Variants in SGSM1 observed in about 807,000 individuals in gnomAD.
The protein encoded by SGSM1 is RUN and TBC1 domain containing 2.
Under a neutral mutation model 133.8 loss-of-function variants are expected in SGSM1, and 73 were observed. That is an observed-to-expected ratio of 0.55 (90% CI 0.45 to 0.66). SGSM1 has a LOEUF of 0.66. Among genes scored for constraint, SGSM1 ranks in the 30% least tolerant of loss-of-function variants. The probability of loss-of-function intolerance (pLI) is 0.00; values close to 1 mark genes in which losing one functional copy is unlikely to be tolerated. For synonymous variants in SGSM1, 563 were observed against 573.0 expected, an observed-to-expected ratio of 0.98 and a Z score of 0.25; for missense variants, 1,213 against 1,448.1, an observed-to-expected ratio of 0.84 and a Z score of 2.64.
intron 16 of SGSM1, among the ~76,000 whole-genome samples, chr22:24,890,965 C>T: frequency 6.6e-6 from 1 of 152,166 alleles, no homozygotes; most frequent in East Asian, 1.9e-4. Flanking sequence ...TATTTTATAT[C>T]CCTGCCATAA....
chr22:24,903,437 G>T (rs1169880377), intron 20 of SGSM1, among the ~76,000 whole-genome samples: 4 of 152,026 alleles, frequency 2.6e-5, no homozygotes, highest in Admixed American at 6.6e-5. Context: ...TTGAACTCCT[G>T]AGCTCAGGCA....
At position 24,879,521 on chromosome 22, in the gene SGSM1, A is replaced by G. The variant is rs1389051407; in HGVS notation, c.1490A>G (p.Tyr497Cys). 5.0e-6 allele frequency: 8 copies of G among 1,613,324 alleles called. No homozygotes were observed. Among genetic ancestry groups the G allele is most frequent in the East Asian group, 2.2e-5 (1 of 44,890 alleles). ...TACCAGATCCTCTCCAGAGCCTTCTATGGATGTACGTATAGGGCTCCATTG... is the reference window on the plus strand; with the variant it reads ...TACCAGATCCTCTCCAGAGCCTTCTGTGGATGTACGTATAGGGCTCCATTG... ...MKYQILSRAF[Y>C]GWLAYCRHLS... Residue 497 changes from tyrosine to cysteine, a missense_variant, in exon 14 of 25, where the codon TAT (tyrosine) becomes TGT (cysteine). Tyr to Cys is a radical substitution (Grantham distance 194). Transcript: ENST00000400358.
rs184517623 is a variant in SGSM1, at chr22:24,867,561, G to A, written c.994+401G>A. 2.0e-3 allele frequency among the ~76,000 whole-genome samples: 298 copies of A among 152,326 alleles called. 2 individuals are homozygous for A. Among genetic ancestry groups the A allele is most frequent in the African/African-American group, 6.7e-3 (278 of 41,576 alleles). On this transcript the variant is annotated intron_variant, in intron 10 of 24. Coordinates refer to ENST00000400358, the MANE Select transcript of SGSM1 (RefSeq NM_001098497.3). ...TCATTTCCATTTTGGAGGAGAGGAAGCAGCTTAGTATAAGGGCACACAGTC... is the reference window on the plus strand; with the variant it reads ...TCATTTCCATTTTGGAGGAGAGGAAACAGCTTAGTATAAGGGCACACAGTC...
Position 24,924,459 on chromosome 22 carries a change from C to G in SGSM1, c.*185C>G. 1.7e-6 allele frequency: 1 copy of G among 584,788 alleles called. No homozygotes were observed. Among genetic ancestry groups the G allele is most frequent in the Non-Finnish European group, 3.1e-6 (1 of 327,854 alleles). 36.2% of individuals were successfully genotyped at this position (584,788 alleles called of 1,614,324 possible). ...GGGCAGATGGGGTGGAGGGAGTACC[C>G]CTTCAATTCAGCCTTACATTTTCCT... On this transcript the variant is annotated 3_prime_UTR_variant, in exon 25 of 25. Transcript: ENST00000400358.
intron 5 of SGSM1, among the ~76,000 whole-genome samples, chr22:24,854,183 G>A (rs141946851): frequency 1.3e-5 from 2 of 152,286 alleles, no homozygotes; most frequent in Admixed American, 6.5e-5. Context: ...TTCAGAGCCA[G>A]ATCCCAGGGG....
At chr22:24,874,604 C>A (rs766443892) in intron 12 of SGSM1, 32 of 1,556,834 alleles carry the variant, frequency 2.1e-5, no homozygotes, top group Non-Finnish European at 2.4e-5. Context: ...CTCCCCGTCC[C>A]CAGGGGCTGG....
rs547652596 is a variant in SGSM1 at position 24,859,731 on chromosome 22, G to A, written c.817G>A (p.Ala273Thr). 2 of 1,613,914 alleles carry A rather than the reference G, an allele frequency of 1.2e-6. No homozygotes were observed. The highest frequency in any genetic ancestry group is 2.2e-5 in the South Asian group (2 of 91,088). ...CTCTCTGCAGAGGGACGACATGGAGGCTGTGCCAGGGTACCTGTCCCTGCA... is the reference window on the plus strand; with the variant it reads ...CTCTCTGCAGAGGGACGACATGGAGACTGTGCCAGGGTACCTGTCCCTGCA... ...VLVQPRDDME[A>T]VPGYLSLHQT... The change falls in exon 9 of 25, where the codon GCT becomes ACT. Residue 273 changes from alanine (A) to threonine (T), a missense_variant. By Grantham distance (58) the Ala-to-Thr change is moderately conservative. Transcript: ENST00000400358.
intron 24 of SGSM1, among the ~76,000 whole-genome samples, chr22:24,921,012 A>T (rs1022488021): frequency 2.6e-5 from 4 of 152,238 alleles, no homozygotes; most frequent in African/African-American, 9.6e-5. Context: ...AGGAAACCAC[A>T]GTCATGTTTA....
At chr22:24,823,802 C>T (rs912804944) in intron 2 of SGSM1, among the ~76,000 whole-genome samples, 6 of 151,466 alleles carry the variant, frequency 4.0e-5, no homozygotes, top group Admixed American at 6.6e-5. Context: ...CCCAGCTACT[C>T]GGGAGGCTGA....
At chr22:24,853,456 C>T (rs1168156559) in intron 5 of SGSM1, among the ~76,000 whole-genome samples, 2 of 152,218 alleles carry the variant, frequency 1.3e-5, no homozygotes, top group Non-Finnish European at 2.9e-5. Context: ...AATCCAAAAA[C>T]ATTCAGCACA....
chr22:24,848,951 T>G (rs1407267757), intron 4 of SGSM1, among the ~76,000 whole-genome samples: 1 of 152,218 alleles, frequency 6.6e-6, no homozygotes, highest in Non-Finnish European at 1.5e-5. Context: ...CTCAGCCAAC[T>G]GTTCTTTGAA....
At chr22:24,887,107 TTGTGTG>T (rs60431385) in intron 16 of SGSM1, among the ~76,000 whole-genome samples, 6,171 of 145,298 alleles carry the variant, frequency 0.042, 319 homozygotes, top group African/African-American at 0.11. Flanking sequence ...TTGTACTTAT[TTGTGTG>T]TGTGTGTGTG....
intron 17 of SGSM1, 103 bp from the exon 18 acceptor site, chr22:24,895,120 T>G (rs1932883695): frequency 3.6e-6 from 4 of 1,126,696 alleles, no homozygotes; most frequent in Non-Finnish European, 5.2e-6. Flanking sequence ...AAGTTAGGAA[T>G]AGAGATGCAA....
chr22:24,844,802 C>G (rs2147833786), intron 2 of SGSM1, 95 bp from the exon 3 acceptor site: 1 of 1,135,318 alleles, frequency 8.8e-7, no homozygotes, highest in East Asian at 2.4e-5. Flanking sequence ...CCTGAAAGGC[C>G]TTGTGGGGAG....
intron 13 of SGSM1, among the ~76,000 whole-genome samples, 165 bp downstream of exon 13, chr22:24,876,880 T>C (rs1371671609): frequency 6.6e-6 from 1 of 152,228 alleles, no homozygotes; most frequent in Non-Finnish European, 1.5e-5. Flanking sequence ...AGAGGTTACA[T>C]GTAATAGTCA....
chr22:24,876,453 C>T (rs1932027591), intron 12 of SGSM1, 124 bp from the exon 13 acceptor site: 3 of 1,255,434 alleles, frequency 2.4e-6, no homozygotes, highest in Non-Finnish European at 3.4e-6. Context: ...CTGTCATCTT[C>T]AGGGTCTTTT....
chr22:24,875,294 A>T (rs538140966), intron 12 of SGSM1, among the ~76,000 whole-genome samples: 3 of 152,380 alleles, frequency 2.0e-5, no homozygotes, highest in African/African-American at 7.2e-5. Flanking sequence ...TGATCCAAAA[A>T]AGCCAAAAGG....
At chr22:24,909,252 T>A (rs1397549154) in intron 21 of SGSM1, among the ~76,000 whole-genome samples, 3 of 152,076 alleles carry the variant, frequency 2.0e-5, no homozygotes, top group Admixed American at 2.0e-4. Flanking sequence ...AACAAAAAAG[T>A]TGAGGACTGC....
At chr22:24,900,018 A>G (rs984095194) in intron 19 of SGSM1, among the ~76,000 whole-genome samples, 73 of 144,146 alleles carry the variant, frequency 5.1e-4, no homozygotes, top group African/African-American at 1.8e-3. Flanking sequence ...TGATTATTTT[A>G]TAGTCTCTTG....
Sources: allele counts gnomAD v4.1 joint callset (sites outside exome capture counted in the v4.1 genomes callset), GRCh38; gene constraint gnomAD v4.1.1; transcripts MANE v1.5; gene names NCBI Gene and HGNC (gene_info 2026-07-23, HGNC 2026-07-21).